The following GRM7 variants were observed in gnomAD, a reference collection of about 807,000 sequenced individuals.
The protein encoded by GRM7 is metabotropic glutamate receptor 7.
In GRM7, 35 loss-of-function variants were observed where a neutral mutation model predicts 84.5. The observed-to-expected ratio is 0.41, with a 90% CI of 0.32 to 0.55. The LOEUF is 0.55. Ranked by LOEUF, GRM7 falls within the 20% of genes least tolerant of loss-of-function variation. The probability of loss-of-function intolerance (pLI) is 0.19; values close to 1 mark genes in which losing one functional copy is unlikely to be tolerated. For synonymous variants in GRM7, 487 were observed against 455.1 expected, an observed-to-expected ratio of 1.07 and a Z score of -0.89; for missense variants, 1,003 against 1,194.6, an observed-to-expected ratio of 0.84 and a Z score of 2.36.
In GRM7 at chr3:7,209,878, C is replaced by T. The variant is rs144942686; in HGVS notation, c.736+63210C>T. 5.8e-3 allele frequency among the ~76,000 whole-genome samples: 887 copies of T among 152,134 alleles called. 8 individuals carry two copies. The highest frequency in any genetic ancestry group is 0.019 in the African/African-American group (808 of 41,540). On this transcript the variant is annotated intron_variant, in intron 2 of 9. Coordinates refer to ENST00000357716, the MANE Select transcript of GRM7 (RefSeq NM_000844.4). ...TTTTTACATGAGGATAAAGGATCAA[C>T]GGTCTCGGCAGGAGAGAGGCCTGTC...
At chr3:7,093,705 AAAAAAAAAAG>A (rs1226188244) in intron 1 of GRM7, among the ~76,000 whole-genome samples, 2,409 of 91,938 alleles carry the variant, frequency 0.026, 221 homozygotes, top group African/African-American at 0.039. Flanking sequence ...AAAAAAAAAA[AAAAAAAAAAG>A]GTAGTTAGTG....
chr3:7,713,428 G>A (rs754884105), intron 9 of GRM7, among the ~76,000 whole-genome samples: 1 of 152,104 alleles, frequency 6.6e-6, no homozygotes, highest in East Asian at 1.9e-4. Flanking sequence ...GTGAGCCACC[G>A]TGCCTGGCCA....
chr3:7,590,257 T>C lies in GRM7; in HGVS notation c.2451+10900T>C, dbSNP rs143286454. Among the ~76,000 whole-genome samples the C allele has an allele frequency of 1.5e-3, 221 of 152,290 alleles. 1 individual carries two copies. The highest frequency in any genetic ancestry group is 4.8e-3 in the African/African-American group (200 of 41,550). On this transcript the variant is annotated intron_variant, in intron 8 of 9. Coordinates refer to ENST00000357716, the MANE Select transcript of GRM7 (RefSeq NM_000844.4). ...TATTATTATCATTGCCTCCTGCCACTATTACAATTACGACAGTATTCAGAC... is the reference window on the plus strand; with the variant it reads ...TATTATTATCATTGCCTCCTGCCACCATTACAATTACGACAGTATTCAGAC...
At chr3:7,569,255 A>G (rs1049656512) in intron 7 of GRM7, among the ~76,000 whole-genome samples, 1 of 152,154 alleles carries the variant, frequency 6.6e-6, no homozygotes, top group Non-Finnish European at 1.5e-5. Flanking sequence ...CTTTATGTCT[A>G]GCTAGGGGAT....
intron 7 of GRM7, among the ~76,000 whole-genome samples, chr3:7,496,022 AG>A (rs1185985721): frequency 6.6e-6 from 1 of 152,200 alleles, no homozygotes; most frequent in African/African-American, 2.4e-5. Flanking sequence ...TCCTCTATCA[AG>A]TGATGCCCAA....
chr3:6,877,587 C>T (rs1014451502), intron 1 of GRM7, among the ~76,000 whole-genome samples: 1 of 152,118 alleles, frequency 6.6e-6, no homozygotes. Context: ...ACCTAGTAAC[C>T]ATATCACTGG....
intron 1 of GRM7, among the ~76,000 whole-genome samples, chr3:7,037,207 G>C (rs1696418652): frequency 6.6e-6 from 1 of 152,122 alleles, no homozygotes; most frequent in African/African-American, 2.4e-5. Context: ...CTTTCCATTA[G>C]CTTCATTTAG....
At chr3:7,230,128 C>T (rs567843920) in intron 2 of GRM7, among the ~76,000 whole-genome samples, 4 of 151,930 alleles carry the variant, frequency 2.6e-5, no homozygotes, top group Non-Finnish European at 4.4e-5. Flanking sequence ...CATGAGCCAC[C>T]GCGCCTGGCC....
chr3:7,036,092 CAG>C (rs767790166), intron 1 of GRM7, among the ~76,000 whole-genome samples: 9 of 152,074 alleles, frequency 5.9e-5, no homozygotes, highest in Non-Finnish European at 1.3e-4. Flanking sequence ...AAGGACAAAC[CAG>C]AGACATAAAT....
chr3:7,354,638 A>T (rs1454856280), intron 4 of GRM7, among the ~76,000 whole-genome samples: 1 of 152,162 alleles, frequency 6.6e-6, no homozygotes, highest in Non-Finnish European at 1.5e-5. Context: ...CCACATCCCC[A>T]TTCTATTTTC....
intron 1 of GRM7, among the ~76,000 whole-genome samples, chr3:6,866,433 G>T (rs1399673518): frequency 2.0e-5 from 3 of 150,806 alleles, no homozygotes; most frequent in African/African-American, 4.9e-5. Context: ...AACTGTCTTT[G>T]CATTTCCAGC....
At chr3:7,433,422 A>T (rs1173952741) in intron 5 of GRM7, among the ~76,000 whole-genome samples, 1 of 152,142 alleles carries the variant, frequency 6.6e-6, no homozygotes, top group African/African-American at 2.4e-5. Flanking sequence ...TGTTGTCCCC[A>T]CTTTGCAATG....
At chr3:7,713,250 C>T (rs1575661626) in intron 9 of GRM7, among the ~76,000 whole-genome samples, 2 of 147,546 alleles carry the variant, frequency 1.4e-5, no homozygotes, top group East Asian at 4.0e-4. Flanking sequence ...GATTCTTCTT[C>T]CTCAACCTCC....
At position 7,123,493 on chromosome 3, in the gene GRM7, C is replaced by T. The variant is rs546534305; in HGVS notation, c.520-22959C>T. Among the ~76,000 whole-genome samples the T allele has an allele frequency of 3.9e-5, 6 of 152,232 alleles. No individual in the cohort carries two copies. The East Asian group carries it at 9.7e-4, about 25-fold the overall frequency. ...AATTAGATGGGTGTGGTGGCTCGCG[C>T]TTGTAATCCCAGCTATTTGGGAGGT... On this transcript the variant is annotated intron_variant, in intron 1 of 9. Coordinates refer to ENST00000357716, the MANE Select transcript of GRM7 (RefSeq NM_000844.4).
At chr3:7,249,793 T>G (rs1697911558) in intron 2 of GRM7, among the ~76,000 whole-genome samples, 1 of 152,178 alleles carries the variant, frequency 6.6e-6, no homozygotes, top group South Asian at 2.1e-4. Flanking sequence ...CAAAAATAGC[T>G]TAATAAACTG....
At chr3:7,583,083 A>G (rs745456379) in intron 8 of GRM7, among the ~76,000 whole-genome samples, 1 of 152,214 alleles carries the variant, frequency 6.6e-6, no homozygotes, top group Admixed American at 6.5e-5. Flanking sequence ...TCAAGGAACC[A>G]GGAGATCAGA....
At chr3:7,600,163 T>G (rs538898653) in intron 8 of GRM7, among the ~76,000 whole-genome samples, 1 of 152,162 alleles carries the variant, frequency 6.6e-6, no homozygotes, top group East Asian at 1.9e-4. Context: ...ATGTTTCTTA[T>G]TGTTTTTTTG....
chr3:7,466,509 A>T (rs138390463), intron 7 of GRM7, among the ~76,000 whole-genome samples: 106 of 152,336 alleles, frequency 7.0e-4, no homozygotes, highest in African/African-American at 2.4e-3. Context: ...TCGATGTTGT[A>T]AGTAAAATAT....
At chr3:6,969,341 T>C (rs148248313) in intron 1 of GRM7, among the ~76,000 whole-genome samples, 2 of 152,310 alleles carry the variant, frequency 1.3e-5, no homozygotes, top group East Asian at 3.9e-4. Flanking sequence ...TCTGTTTCCA[T>C]CTTCAAAATA....
Sources: gnomAD v4.1 joint callset for allele counts (sites outside exome capture counted in the v4.1 genomes callset) on GRCh38, gnomAD v4.1.1 for gene constraint, MANE v1.5 for transcripts, NCBI Gene and HGNC (gene_info 2026-07-23, HGNC 2026-07-21) for gene names.